Variants in SLFN12L observed in about 807,000 individuals in gnomAD.
SLFN12L encodes schlafen family member 12-like.
A neutral mutation model predicts 34.8 loss-of-function variants in SLFN12L; 34 were observed. The observed-to-expected ratio is 0.98, with a 90% CI of 0.74 to 1.30. The LOEUF is 1.30. Among genes scored for constraint, SLFN12L ranks in the 50% most tolerant of loss-of-function variants. The probability of loss-of-function intolerance (pLI) is 0.00; values close to 1 mark genes in which losing one functional copy is unlikely to be tolerated. For synonymous variants in SLFN12L, 259 were observed against 247.5 expected (o/e 1.05, Z -0.44); for missense variants, 703 against 696.2 (o/e 1.01, Z -0.11).
At chr17:35,535,944 C>A (rs1364286007) in intron 1 of SLFN12L, among the ~76,000 whole-genome samples, 1 of 150,386 alleles carries the variant, frequency 6.6e-6, no homozygotes, top group African/African-American at 2.4e-5. Context: ...GCGTGAGCCA[C>A]CACACCCGGC....
chr17:35,479,453 C>T lies in SLFN12L; in HGVS notation c.829G>A (p.Gly277Arg), dbSNP rs746066993. The T allele has an allele frequency of 3.7e-6, 6 of 1,614,094 alleles. No homozygotes were observed. The highest frequency in any genetic ancestry group is 3.3e-5 in the Admixed American group (2 of 60,018). Residue 277 changes from glycine (G) to arginine (R), a missense_variant, in exon 3 of 5, where the codon GGA becomes AGA. Physicochemically the swap from Gly to Arg is moderately radical, Grantham distance 125. Transcript: ENST00000628453. The stretch of plus-strand genomic sequence containing the variant: ...TCATTTAGACCAACGAATAAATATC[C>T]TCCATCAGTATTTGCAAATGCAGAA... ...YVSAFANTDG[G>R]YLFVGLNEDK...
chr17:35,524,923 C>A (rs963307743), intron 1 of SLFN12L, among the ~76,000 whole-genome samples: 3 of 151,980 alleles, frequency 2.0e-5, no homozygotes, highest in Non-Finnish European at 4.4e-5. Context: ...GCTAAAGGAG[C>A]ATGTTTTAAC....
At chr17:35,494,791 G>A (rs946245135) in intron 2 of SLFN12L, among the ~76,000 whole-genome samples, 12 of 152,118 alleles carry the variant, frequency 7.9e-5, no homozygotes, top group South Asian at 4.1e-4. Flanking sequence ...GGAGAGTGAC[G>A]CAGGGCCAGG....
rs970573271 is a variant in SLFN12L, at chr17:35,464,950, C to T, written c.*9973G>A. On this transcript the variant is annotated 3_prime_UTR_variant, in exon 5 of 5. Transcript: ENST00000628453. ...GGAGTGCGGTGGTGCCATCTTGGCT[C>T]ACTGCAACCCCCGCCTCCCAGGTTC... Among the ~76,000 whole-genome samples the T allele has an allele frequency of 4.6e-5, 7 of 152,118 alleles. No homozygotes were observed. Among genetic ancestry groups the T allele is most frequent in the African/African-American group, 1.7e-4 (7 of 41,406 alleles).
chr17:35,492,758 T>C (rs1171172424), intron 2 of SLFN12L, among the ~76,000 whole-genome samples: 2 of 152,158 alleles, frequency 1.3e-5, no homozygotes, highest in Non-Finnish European at 2.9e-5. Flanking sequence ...CAGGTGGCAG[T>C]GGTCATCTCC....
At chr17:35,486,345 C>T (rs8065765) in intron 2 of SLFN12L, among the ~76,000 whole-genome samples, 110,845 of 151,932 alleles carry the variant, frequency 0.73, 40,984 homozygotes, top group African/African-American at 0.86. Context: ...ACCCTTTTGG[C>T]TCACCCACCA....
chr17:35,498,994 G>C (rs1195490209), intron 2 of SLFN12L: 1 of 704,716 alleles, frequency 1.4e-6, no homozygotes, highest in Non-Finnish European at 2.6e-6. Flanking sequence ...ACTACCGTCT[G>C]CTTCTATAAC....
In SLFN12L at chr17:35,479,532, GT is replaced by G; in HGVS notation, c.749del (p.Asn250ThrfsTer34). On this transcript the variant is annotated frameshift_variant, in exon 3 of 5. Coordinates refer to ENST00000628453, the MANE Select transcript of SLFN12L (RefSeq NM_001363830.2). LOFTEE classifies it high-confidence loss of function. ...FTESTHVEIK[N>X]FSTEKLLQRI... ...GTTGTAACAACTTTTCAGTCGAGAA[GT>G]TTTTTATTTCAACGTGTGTGGATTC... 1.2e-6 allele frequency: 2 copies of G among 1,614,170 alleles called. No homozygotes were observed. The highest frequency in any genetic ancestry group is 2.2e-5 in the South Asian group (2 of 91,068).
chr17:35,528,807 C>T (rs1353276288), intron 1 of SLFN12L, among the ~76,000 whole-genome samples: 1 of 152,114 alleles, frequency 6.6e-6, no homozygotes, highest in Admixed American at 6.6e-5. Context: ...ACTAAAACAC[C>T]AAAAGCAATG....
chr17:35,515,681 T>C (rs534555493), intron 2 of SLFN12L, among the ~76,000 whole-genome samples: 1 of 139,360 alleles, frequency 7.2e-6, no homozygotes, highest in African/African-American at 2.6e-5. Flanking sequence ...TTGCTCTTTG[T>C]TGCCCAGGCT....
At chr17:35,476,454 C>CAAGGAAGGAAGGAAGGAAGGAAGG (rs59968985) in intron 4 of SLFN12L, among the ~76,000 whole-genome samples, 4 of 105,550 alleles carry the variant, frequency 3.8e-5, no homozygotes, top group African/African-American at 1.1e-4. Context: ...GAAAAGAAAG[C>CAAGGAAGGAAGGAAGGAAGGAAGG]AAGGAAGGAA....
At chr17:35,507,956 C>T (rs1468505261) in intron 2 of SLFN12L, among the ~76,000 whole-genome samples, 2 of 152,112 alleles carry the variant, frequency 1.3e-5, no homozygotes, top group East Asian at 3.8e-4. Flanking sequence ...ATTTCTGCCT[C>T]CAAAGAAGAA....
intron 2 of SLFN12L, chr17:35,490,141 G>C: frequency 3.7e-6 from 6 of 1,606,424 alleles, no homozygotes; most frequent in Non-Finnish European, 5.1e-6. Flanking sequence ...TCTACACCAC[G>C]CCGCAGGGAC....
chr17:35,490,302 TAAG>T (rs1914783337), intron 2 of SLFN12L: 1 of 1,467,512 alleles, frequency 6.8e-7, no homozygotes, highest in Non-Finnish European at 9.5e-7. Flanking sequence ...AGAGCTGCAC[TAAG>T]AAGTCCAGAT....
chr17:35,523,986 A>C (rs1257456461), intron 1 of SLFN12L, among the ~76,000 whole-genome samples: 1 of 152,174 alleles, frequency 6.6e-6, no homozygotes, highest in East Asian at 1.9e-4. Context: ...AAAAACAAGA[A>C]TGTTTTTGCC....
chr17:35,520,317 A>C (rs891313901), intron 2 of SLFN12L, among the ~76,000 whole-genome samples: 9 of 152,218 alleles, frequency 5.9e-5, no homozygotes, highest in African/African-American at 2.2e-4. Flanking sequence ...CCAACCATGG[A>C]CTGCTTCTGG....
intron 1 of SLFN12L, among the ~76,000 whole-genome samples, chr17:35,530,439 GGGAA>G (rs1382602499): frequency 0.036 from 395 of 10,962 alleles, 85 homozygotes; most frequent in Middle Eastern, 0.059. Context: ...GGGAAGGGAA[GGGAA>G]GAAAGAAAGA....
intron 2 of SLFN12L, among the ~76,000 whole-genome samples, chr17:35,513,476 CA>C (rs1168056595): frequency 6.6e-6 from 1 of 152,138 alleles, no homozygotes; most frequent in African/African-American, 2.4e-5. Flanking sequence ...GATTTTTAGG[CA>C]GAATGAAAGC....
intron 2 of SLFN12L, among the ~76,000 whole-genome samples, chr17:35,509,715 TG>T (rs1010343719): frequency 2.0e-5 from 3 of 152,006 alleles, no homozygotes; most frequent in Non-Finnish European, 4.4e-5. Flanking sequence ...TTTTTTTTTT[TG>T]AGACAGAGTC....
Sources: allele counts gnomAD v4.1 joint callset (sites outside exome capture counted in the v4.1 genomes callset), GRCh38; gene constraint gnomAD v4.1.1; transcripts MANE v1.5; gene names NCBI Gene and HGNC (gene_info 2026-07-23, HGNC 2026-07-21).